CEP85: variants seen among roughly 807,000 people sequenced by gnomAD.
CEP85 encodes centrosomal protein 85.
A neutral mutation model predicts 93.7 loss-of-function variants in CEP85; 58 were observed. That is an observed-to-expected ratio of 0.62 (90% CI 0.50 to 0.77). The LOEUF is 0.77. CEP85 is among the 30% of genes least tolerant of loss of function. CEP85 has a pLI of 0.00. For missense variants in CEP85, 868 were observed against 922.0 expected (o/e 0.94, Z 0.76); for synonymous variants, 314 against 338.6 (o/e 0.93, Z 0.80).
chr1:26,249,157 C>G (rs1370434664), intron 3 of CEP85, among the ~76,000 whole-genome samples: 1 of 152,278 alleles, frequency 6.6e-6, no homozygotes, highest in Non-Finnish European at 1.5e-5. Flanking sequence ...TCTTGGCTCA[C>G]TGCAACCTCC....
chr1:26,249,362 G>A (rs1230701054), intron 3 of CEP85, among the ~76,000 whole-genome samples: 8 of 152,242 alleles, frequency 5.3e-5, no homozygotes, highest in African/African-American at 1.7e-4. Context: ...GATTATAGGC[G>A]TGAGCCACTG....
chr1:26,262,698 GCACCTGCAACA>G (rs2089830569), intron 7 of CEP85, among the ~76,000 whole-genome samples: 1 of 152,080 alleles, frequency 6.6e-6, no homozygotes, highest in Non-Finnish European at 1.5e-5. Flanking sequence ...AAATCAAACG[GCACCTGCAACA>G]CACTCTTAAA....
intron 2 of CEP85, among the ~76,000 whole-genome samples, chr1:26,240,191 A>G (rs1218775637): frequency 6.6e-6 from 1 of 152,206 alleles, no homozygotes; most frequent in Non-Finnish European, 1.5e-5. Flanking sequence ...GCTAGCCCAC[A>G]AAAATAGGAA....
chr1:26,274,117 A>G (rs1456894825), intron 11 of CEP85, among the ~76,000 whole-genome samples: 1 of 152,062 alleles, frequency 6.6e-6, no homozygotes, highest in Non-Finnish European at 1.5e-5. Flanking sequence ...TTGAATGAAG[A>G]GAATGAGAGG....
At position 26,269,538 on chromosome 1, in the gene CEP85, G is replaced by T; in HGVS notation, c.1573G>T (p.Ala525Ser). 1 of 1,614,046 alleles carries T rather than the reference G, an allele frequency of 6.2e-7. No individual in the cohort carries two copies. The highest frequency in any genetic ancestry group is 8.5e-7 in the Non-Finnish European group (1 of 1,179,932). ...ELESLLEETQ[A>S]ICREKEIQLE... ...GGAGAGTTTGCTGGAGGAGACCCAGGCAATCTGCAGAGAGAAGGAGATTCA... is the reference window on the plus strand; with the variant it reads ...GGAGAGTTTGCTGGAGGAGACCCAGTCAATCTGCAGAGAGAAGGAGATTCA... The change falls in exon 9 of 14, where the codon GCA becomes TCA. Residue 525 changes from alanine to serine, a missense_variant. Transcript: ENST00000451429.
At chr1:26,277,101 C>G (rs776310140) in intron 13 of CEP85, 35 bp from the exon 14 acceptor site, 8 of 1,602,710 alleles carry the variant, frequency 5.0e-6, no homozygotes, top group African/African-American at 1.3e-5. Context: ...TGTCTCATAA[C>G]TAACATTCTC....
At chr1:26,241,144 T>C (rs1314032967) in intron 2 of CEP85, among the ~76,000 whole-genome samples, 1 of 152,122 alleles carries the variant, frequency 6.6e-6, no homozygotes, top group Non-Finnish European at 1.5e-5. Flanking sequence ...AGCGTAGATA[T>C]TTGGTAAATG....
chr1:26,277,571 A>G lies in CEP85; in HGVS notation c.*278A>G. On this transcript the variant is annotated 3_prime_UTR_variant, in exon 14 of 14. Transcript: ENST00000451429. ...GTCCTCACAAACTGTTCCCAGCCCT[A>G]GGCTGACATGAGAGACGAACAGGCT... is the stretch of plus-strand genomic sequence containing the variant. 1 of 311,338 alleles carries G rather than the reference A, an allele frequency of 3.2e-6. No homozygotes were observed. The highest frequency in any genetic ancestry group is 4.5e-5 in the South Asian group (1 of 22,248). The allele number at this position is 311,338 out of a possible 1,614,324, so 19.3% of individuals were successfully genotyped here.
chr1:26,241,266 G>A (rs2089420853), intron 2 of CEP85, among the ~76,000 whole-genome samples: 1 of 6,422 alleles, frequency 1.6e-4, no homozygotes, highest in Non-Finnish European at 1.0e-3. Flanking sequence ...TTTTTGAAAT[G>A]GAGTCTCGCT....
intron 3 of CEP85, among the ~76,000 whole-genome samples, chr1:26,250,500 G>A (rs1266782998): frequency 1.3e-5 from 2 of 152,212 alleles, no homozygotes; most frequent in African/African-American, 2.4e-5. Flanking sequence ...GTTGGGAACC[G>A]CTGGTGTAAC....
chr1:26,261,432 A>G (rs1229566536), intron 7 of CEP85, among the ~76,000 whole-genome samples: 1 of 152,114 alleles, frequency 6.6e-6, no homozygotes, highest in African/African-American at 2.4e-5. Flanking sequence ...AGATCGCTCC[A>G]TTGCACCCCA....
chr1:26,268,406 T>G, intron 7 of CEP85, 77 bp from the exon 8 acceptor site: 12 of 1,547,314 alleles, frequency 7.8e-6, no homozygotes, highest in Non-Finnish European at 9.8e-6. Flanking sequence ...TGCAGTCAGC[T>G]GAGATCACAG....
At chr1:26,253,656 T>C (rs2089653141) in intron 3 of CEP85, among the ~76,000 whole-genome samples, 1 of 151,786 alleles carries the variant, frequency 6.6e-6, no homozygotes. Context: ...CCCAAAGTGC[T>C]GGGGATTACA....
Position 26,273,777 on chromosome 1 carries a change from G to C in CEP85, c.1795-1187G>C, listed in dbSNP as rs151063820. Among the ~76,000 whole-genome samples the C allele has an allele frequency of 3.0e-4, 46 of 152,074 alleles. 1 individual carries two copies. In the East Asian group the frequency reaches 6.8e-3, roughly 22 times the overall value. ...CTGGGCGTGGTGTCATGCACCTGTA[G>C]TCCCAGCTACTTGGGAGGCTGAGGC... On this transcript the variant is annotated intron_variant, in intron 11 of 13. Coordinates refer to ENST00000451429, the MANE Select transcript of CEP85 (RefSeq NM_001319944.2).
intron 11 of CEP85, among the ~76,000 whole-genome samples, chr1:26,273,915 A>C (rs868023912): frequency 7.1e-6 from 1 of 141,500 alleles, no homozygotes; most frequent in African/African-American, 2.6e-5. Context: ...TAAATAAATA[A>C]ATAAATAAAT....
intron 12 of CEP85, among the ~76,000 whole-genome samples, chr1:26,276,140 C>G (rs1189276298): frequency 6.6e-6 from 1 of 152,210 alleles, no homozygotes; most frequent in Non-Finnish European, 1.5e-5. Context: ...AGATTGAAAC[C>G]AGTGTCTCCT....
At chr1:26,258,912 C>T (rs2089764694) in intron 6 of CEP85, among the ~76,000 whole-genome samples, 1 of 152,042 alleles carries the variant, frequency 6.6e-6, no homozygotes, top group Non-Finnish European at 1.5e-5. Flanking sequence ...TTTTTATCCT[C>T]CATATCTAGG....
At position 26,255,351 on chromosome 1, in the gene CEP85, C is replaced by T. The variant is rs376703091; in HGVS notation, c.389C>T (p.Thr130Ile). The change falls in exon 4 of 14, where the codon ACA (threonine) becomes ATA (isoleucine). Residue 130 changes from threonine to isoleucine, a missense_variant. Thr to Ile is a moderately conservative substitution (Grantham distance 89). Coordinates refer to ENST00000451429, the MANE Select transcript of CEP85 (RefSeq NM_001319944.2). ...GGGTTGGCTGAAAGTGTGGGAATGACAAGAAATGGAGACCTCGGTGCAATG... is the reference window on the plus strand; with the variant it reads ...GGGTTGGCTGAAAGTGTGGGAATGATAAGAAATGGAGACCTCGGTGCAATG... ...LSGLAESVGM[T>I]RNGDLGAMKH... The T allele has an allele frequency of 2.8e-5, 46 of 1,614,126 alleles. No individual in the cohort carries two copies. Among genetic ancestry groups the T allele is most frequent in the Non-Finnish European group, 3.9e-5 (46 of 1,180,032 alleles).
intron 3 of CEP85, among the ~76,000 whole-genome samples, chr1:26,251,206 G>A (rs1350178738): frequency 1.3e-5 from 2 of 148,686 alleles, no homozygotes; most frequent in Non-Finnish European, 3.0e-5. Context: ...GCCTCCCAAA[G>A]TGCTAGGATT....
Sources: allele counts gnomAD v4.1 joint callset (sites outside exome capture counted in the v4.1 genomes callset), GRCh38; gene constraint gnomAD v4.1.1; transcripts MANE v1.5; gene names NCBI Gene and HGNC (gene_info 2026-07-23, HGNC 2026-07-21).